REPS1: variants seen among roughly 807,000 people sequenced by gnomAD.
REPS1 encodes the protein RALBP1 associated Eps domain containing 1, also known as ralBP1-associated Eps domain-containing protein 1.
REPS1 carries 39 observed loss-of-function variants against 100.9 expected under a neutral mutation model. That is an observed-to-expected ratio of 0.39 (90% CI 0.30 to 0.50). The LOEUF (loss-of-function observed/expected upper bound fraction) is 0.50, where lower values mean the gene tolerates loss of function less well. REPS1 is among the 20% of genes least tolerant of loss of function. REPS1 has a pLI of 0.86. For synonymous variants in REPS1, 324 were observed against 340.3 expected (o/e 0.95, Z 0.53); for missense variants, 821 against 968.5 (o/e 0.85, Z 2.02).
At chr6:138,975,905 A>G (rs1443291476) in intron 1 of REPS1, among the ~76,000 whole-genome samples, 1 of 152,188 alleles carries the variant, frequency 6.6e-6, no homozygotes, top group Non-Finnish European at 1.5e-5. Context: ...ATCTCAAGAG[A>G]GGTTAAGTAC....
Position 138,943,893 on chromosome 6 carries a change from C to T in REPS1, c.876G>A (p.Gln292=). ...TDEQRQYYVN[Q]FKTIQPDLNG... is the part of the protein sequence containing the mutation. Reference sequence around the variant, plus strand: ...TTAGATCAGGCTGAATGGTTTTAAACTGATTTACATAATACTGTCTTTGTT... The same window carrying T: ...TTAGATCAGGCTGAATGGTTTTAAATTGATTTACATAATACTGTCTTTGTT... Residue 292 remains glutamine (Q), a synonymous_variant, in exon 6 of 20, where the codon CAG becomes CAA. Transcript: ENST00000450536. 1 of 1,613,712 alleles carries T rather than the reference C, an allele frequency of 6.2e-7. No individual in the cohort carries two copies. Among genetic ancestry groups the T allele is most frequent in the Non-Finnish European group, 8.5e-7 (1 of 1,179,768 alleles).
intron 1 of REPS1, among the ~76,000 whole-genome samples, chr6:138,970,602 C>T (rs1243201470): frequency 2.0e-5 from 3 of 152,034 alleles, no homozygotes; most frequent in East Asian, 3.9e-4. Flanking sequence ...GCCAACATGG[C>T]GAAACCCTAT....
chr6:138,940,489 G>A lies in REPS1; in HGVS notation c.1135+846C>T, dbSNP rs140293425. 5.5e-3 allele frequency among the ~76,000 whole-genome samples: 834 copies of A among 152,274 alleles called. 8 individuals are homozygous for A. Among genetic ancestry groups the A allele is most frequent in the African/African-American group, 0.019 (804 of 41,560 alleles). ...AGGCTGGGCATGGTGGCTCACGCCTGTAATCCCAGCACTTTGGGAGGCCAA... is the reference window on the plus strand; with the variant it reads ...AGGCTGGGCATGGTGGCTCACGCCTATAATCCCAGCACTTTGGGAGGCCAA... On this transcript the variant is annotated intron_variant, in intron 8 of 19. Transcript: ENST00000450536.
At chr6:138,947,268 A>C (rs1011371404) in intron 2 of REPS1, among the ~76,000 whole-genome samples, 10 of 152,174 alleles carry the variant, frequency 6.6e-5, no homozygotes, top group African/African-American at 2.4e-4. Context: ...TCAGATGTCT[A>C]TAACTAGATT....
At chr6:138,928,852 T>C (rs1055889437) in intron 9 of REPS1, 9 of 152,194 alleles carry the variant, frequency 5.9e-5, no homozygotes, top group Admixed American at 2.6e-4. Context: ...TTTCAAGGTG[T>C]AATCCCTTCA....
chr6:138,947,495 G>A (rs879264536), intron 2 of REPS1, among the ~76,000 whole-genome samples: 3 of 152,012 alleles, frequency 2.0e-5, no homozygotes, highest in Non-Finnish European at 4.4e-5. Context: ...AAAACTATTC[G>A]CCTAAAATAT....
At chr6:138,931,070 G>C (rs760508254) in intron 8 of REPS1, among the ~76,000 whole-genome samples, 1 of 152,008 alleles carries the variant, frequency 6.6e-6, no homozygotes, top group Non-Finnish European at 1.5e-5. Flanking sequence ...GTACCTAATC[G>C]GTTTAGAACT....
At chr6:138,926,168 C>G (rs1781105376) in intron 10 of REPS1, among the ~76,000 whole-genome samples, 2 of 152,168 alleles carry the variant, frequency 1.3e-5, no homozygotes, top group South Asian at 4.1e-4. Context: ...AAATGCTTCT[C>G]TAGACACATG....
intron 19 of REPS1, among the ~76,000 whole-genome samples, chr6:138,905,794 T>A (rs546128362): frequency 6.6e-6 from 1 of 152,216 alleles, no homozygotes; most frequent in Non-Finnish European, 1.5e-5. Context: ...TCCCTAGTGA[T>A]GACATCTGGC....
At chr6:138,917,091 C>T (rs376384029) in intron 13 of REPS1, among the ~76,000 whole-genome samples, 46 of 152,278 alleles carry the variant, frequency 3.0e-4, no homozygotes, top group African/African-American at 1.0e-3. Flanking sequence ...CCCTTGCAGA[C>T]AAATCTCTAG....
intron 1 of REPS1, among the ~76,000 whole-genome samples, chr6:138,966,614 T>G (rs1554296306): frequency 6.6e-6 from 1 of 152,212 alleles, no homozygotes; most frequent in Non-Finnish European, 1.5e-5. Context: ...ATGCTCTTTG[T>G]CACTTCATTA....
intron 8 of REPS1, among the ~76,000 whole-genome samples, chr6:138,939,538 T>C (rs1039691716): frequency 1.1e-4 from 16 of 152,196 alleles, no homozygotes; most frequent in African/African-American, 3.4e-4. Context: ...CTGACAAATA[T>C]AACAGACGAC....
chr6:138,916,989 T>C (rs554157830), intron 13 of REPS1, among the ~76,000 whole-genome samples: 4 of 152,330 alleles, frequency 2.6e-5, no homozygotes, highest in Admixed American at 6.5e-5. Flanking sequence ...CTACATCCAC[T>C]GGGCACACAG....
chr6:138,935,656 C>A (rs1230273008), intron 8 of REPS1, among the ~76,000 whole-genome samples: 1 of 151,876 alleles, frequency 6.6e-6, no homozygotes, highest in Non-Finnish European at 1.5e-5. Flanking sequence ...AAGCTCGAGA[C>A]CAGTCTGGCC....
At chr6:138,943,819 C>G in intron 6 of REPS1, 34 bp downstream of exon 6, 1 of 1,575,036 alleles carries the variant, frequency 6.3e-7, no homozygotes. Context: ...TTCTCCTGTC[C>G]CATCTAGAAG....
intron 1 of REPS1, among the ~76,000 whole-genome samples, chr6:138,965,915 A>G (rs578021160): frequency 2.6e-4 from 39 of 152,328 alleles, no homozygotes; most frequent in African/African-American, 9.1e-4. Context: ...AAAAATAATA[A>G]AAGTTTACAA....
intron 1 of REPS1, among the ~76,000 whole-genome samples, chr6:138,977,108 G>A (rs1039229110): frequency 2.6e-5 from 4 of 152,104 alleles, no homozygotes; most frequent in African/African-American, 9.7e-5. Context: ...ACCATCATAT[G>A]TGTACAATTC....
chr6:138,922,070 T>A (rs1382385776), intron 10 of REPS1, among the ~76,000 whole-genome samples: 3 of 152,134 alleles, frequency 2.0e-5, no homozygotes, highest in Admixed American at 1.3e-4. Context: ...AAGTGAGGAA[T>A]GATCTGATAA....
intron 8 of REPS1, among the ~76,000 whole-genome samples, chr6:138,935,832 C>A (rs977290733): frequency 1.9e-5 from 2 of 105,824 alleles, no homozygotes; most frequent in East Asian, 5.3e-4. Context: ...CCAGCCTGGG[C>A]AACAGAGCAA....
Sources: allele counts gnomAD v4.1 joint callset (sites outside exome capture counted in the v4.1 genomes callset), GRCh38; gene constraint gnomAD v4.1.1; transcripts MANE v1.5; gene names NCBI Gene and HGNC (gene_info 2026-07-23, HGNC 2026-07-21).